The following TAF3 variants were observed in gnomAD, a reference collection of about 807,000 sequenced individuals.
The protein encoded by TAF3 is transcription initiation factor TFIID subunit 3.
Under a neutral mutation model 80.6 loss-of-function variants are expected in TAF3, and 7 were observed. That is an observed-to-expected ratio of 0.09 (90% confidence interval 0.05 to 0.16). TAF3 has a LOEUF of 0.16. Ranked by LOEUF, TAF3 falls within the 10% of genes least tolerant of loss-of-function variation. TAF3 has a pLI of 1.00. For missense variants in TAF3, 921 were observed against 1,140.2 expected, an observed-to-expected ratio of 0.81 and a Z score of 2.77; for synonymous variants, 444 against 446.1, an observed-to-expected ratio of 1.00 and a Z score of 0.06.
At chr10:7,879,377 T>C (rs570665519) in intron 2 of TAF3, among the ~76,000 whole-genome samples, 2 of 152,192 alleles carry the variant, frequency 1.3e-5, no homozygotes, top group Admixed American at 6.5e-5. Context: ...TCATGCATAA[T>C]TGATTATATA....
At chr10:7,847,808 TC>T (rs1490294628) in intron 2 of TAF3, among the ~76,000 whole-genome samples, 1 of 152,154 alleles carries the variant, frequency 6.6e-6, no homozygotes, top group Non-Finnish European at 1.5e-5. Context: ...CGCTCTGTCT[TC>T]CAGGCTGGAG....
At chr10:8,008,874 G>A (rs1326480986) in intron 4 of TAF3, among the ~76,000 whole-genome samples, 1 of 152,230 alleles carries the variant, frequency 6.6e-6, no homozygotes, top group East Asian at 1.9e-4. Context: ...GCCATTGAGG[G>A]GAAGTTTGGA....
At chr10:7,871,457 T>G (rs890995293) in intron 2 of TAF3, among the ~76,000 whole-genome samples, 1 of 84,198 alleles carries the variant, frequency 1.2e-5, no homozygotes. Flanking sequence ...TTTTTTTTTT[T>G]TTTGAGACGG....
intron 3 of TAF3, among the ~76,000 whole-genome samples, chr10:7,970,826 T>G (rs576696077): frequency 6.6e-6 from 1 of 152,346 alleles, no homozygotes; most frequent in African/African-American, 2.4e-5. Flanking sequence ...TGATAAATCA[T>G]CTAATTGGTT....
chr10:7,981,488 T>G (rs1831725078), intron 4 of TAF3, among the ~76,000 whole-genome samples: 1 of 152,244 alleles, frequency 6.6e-6, no homozygotes, highest in Admixed American at 6.5e-5. Flanking sequence ...TGGAACCATT[T>G]GAGATGCCTT....
chr10:7,834,061 G>T (rs1836827298), intron 2 of TAF3: 1 of 173,952 alleles, frequency 5.7e-6, no homozygotes, highest in Non-Finnish European at 1.2e-5. Context: ...TGGTGGTTGT[G>T]GCTCTTGTTG....
intron 2 of TAF3, among the ~76,000 whole-genome samples, chr10:7,912,294 C>T (rs1284698272): frequency 6.6e-6 from 1 of 152,088 alleles, no homozygotes; most frequent in Non-Finnish European, 1.5e-5. Flanking sequence ...GAGACAGGGT[C>T]CCACGATGTT....
intron 2 of TAF3, among the ~76,000 whole-genome samples, chr10:7,872,789 C>T (rs1837279311): frequency 6.6e-6 from 1 of 152,146 alleles, no homozygotes; most frequent in African/African-American, 2.4e-5. Flanking sequence ...TATCAAACTA[C>T]TAAAATAGTA....
intron 2 of TAF3, among the ~76,000 whole-genome samples, chr10:7,901,424 TCTGGCAAACATTCAATTAA>T (rs1205841794): frequency 6.6e-6 from 1 of 152,234 alleles, no homozygotes; most frequent in Non-Finnish European, 1.5e-5. Flanking sequence ...TTCTACTCTT[TCTGGCAAACATTCAATTAA>T]CTTTTTAGTG....
chr10:7,865,723 T>C (rs1210191479), intron 2 of TAF3, among the ~76,000 whole-genome samples: 1 of 152,164 alleles, frequency 6.6e-6, no homozygotes, highest in East Asian at 1.9e-4. Context: ...GAAAGTTGCT[T>C]AGTAAATGTG....
intron 2 of TAF3, among the ~76,000 whole-genome samples, chr10:7,911,271 A>G (rs1190090520): frequency 1.3e-5 from 2 of 152,258 alleles, no homozygotes; most frequent in African/African-American, 4.8e-5. Context: ...TTGTGATTAT[A>G]TTTAGTCAGT....
intron 4 of TAF3, among the ~76,000 whole-genome samples, chr10:8,007,231 G>A (rs1253990147): frequency 1.3e-5 from 2 of 152,162 alleles, no homozygotes; most frequent in African/African-American, 4.8e-5. Flanking sequence ...AGATCTCTAT[G>A]TGTCAGCATG....
chr10:8,013,268 C>A (rs1485477668), intron 5 of TAF3, among the ~76,000 whole-genome samples: 1 of 152,176 alleles, frequency 6.6e-6, no homozygotes, highest in Non-Finnish European at 1.5e-5. Flanking sequence ...GTGGTGCATG[C>A]ACATTTGGCT....
Position 8,009,418 on chromosome 10 carries a change from G to T in TAF3, c.2568+88G>T, listed in dbSNP as rs1832031814. ...TCTGAATCACTATCGAATTTCAGACGCATTTCTCTTCAAAATTTTATTATT... is the reference window on the plus strand; with the variant it reads ...TCTGAATCACTATCGAATTTCAGACTCATTTCTCTTCAAAATTTTATTATT... On this transcript the variant is annotated intron_variant, in intron 5 of 6. Transcript: ENST00000344293. This position sits in a 1 kb window ranked among gnomAD's most constrained non-coding sequence, Gnocchi z 4.1. 2 of 1,440,660 alleles carry T rather than the reference G, an allele frequency of 1.4e-6. No individual in the cohort carries two copies. Among genetic ancestry groups the T allele is most frequent in the Admixed American group, 2.5e-5 (1 of 40,780 alleles). The allele number at this position is 1,440,660 out of a possible 1,614,324, so 89.2% of individuals were successfully genotyped here. A position where few individuals can be genotyped will look rare whatever the true frequency, so the allele number is the denominator to read the frequency against.
chr10:7,918,787 A>T (rs1459056970), intron 2 of TAF3, among the ~76,000 whole-genome samples: 2 of 152,168 alleles, frequency 1.3e-5, no homozygotes, highest in African/African-American at 4.8e-5. Flanking sequence ...AGAGAACAGT[A>T]AACCAGGTAC....
chr10:7,918,704 A>G (rs868538031), intron 2 of TAF3, among the ~76,000 whole-genome samples: 2 of 152,220 alleles, frequency 1.3e-5, no homozygotes, highest in African/African-American at 4.8e-5. Flanking sequence ...TAGGTTTTGG[A>G]TGTATTATAT....
intron 1 of TAF3, among the ~76,000 whole-genome samples, chr10:7,820,898 T>TG (rs1836683732): frequency 6.6e-6 from 1 of 152,242 alleles, no homozygotes; most frequent in Non-Finnish European, 1.5e-5. Flanking sequence ...TTCTTTTTCC[T>TG]CTGGCCTCCG....
chr10:7,910,314 G>C (rs1340226008), intron 2 of TAF3, among the ~76,000 whole-genome samples: 1 of 152,020 alleles, frequency 6.6e-6, no homozygotes, highest in Non-Finnish European at 1.5e-5. Context: ...AGAAAATACT[G>C]CTACAACATA....
intron 2 of TAF3, among the ~76,000 whole-genome samples, chr10:7,921,586 G>T (rs1429642426): frequency 6.6e-6 from 1 of 152,096 alleles, no homozygotes; most frequent in Admixed American, 6.5e-5. Context: ...TTCAACTTTT[G>T]TTGCACTTAC....
Sources: gnomAD v4.1 joint callset for allele counts (sites outside exome capture counted in the v4.1 genomes callset) on GRCh38, gnomAD v4.1.1 for gene constraint, Gnocchi (gnomAD v3.1) non-coding constraint, MANE v1.5 for transcripts, NCBI Gene and HGNC (gene_info 2026-07-23, HGNC 2026-07-21) for gene names.